The following NAA60 variants were observed in gnomAD, a reference collection of about 807,000 sequenced individuals.
The protein encoded by NAA60 is N-alpha-acetyltransferase 60.
NAA60 carries 8 observed loss-of-function variants against 26.1 expected under a neutral mutation model. The ratio of observed to expected loss-of-function variants is 0.31; its 90% CI spans 0.18 to 0.55. The LOEUF (loss-of-function observed/expected upper bound fraction) is 0.55, where lower values mean the gene tolerates loss of function less well. Among genes scored for constraint, NAA60 ranks in the 20% least tolerant of loss-of-function variants. NAA60 has a pLI of 0.93. For synonymous variants in NAA60, 131 were observed against 122.5 expected, an observed-to-expected ratio of 1.07 and a Z score of -0.46; for missense variants, 290 against 311.3, an observed-to-expected ratio of 0.93 and a Z score of 0.51.
At chr16:3,465,706 G>T (rs537802975) in intron 2 of NAA60, among the ~76,000 whole-genome samples, 4 of 152,250 alleles carry the variant, frequency 2.6e-5, no homozygotes, top group South Asian at 4.1e-4. Context: ...CAGCCCAGGG[G>T]ATGGCACTTT....
intron 2 of NAA60, among the ~76,000 whole-genome samples, chr16:3,470,864 T>G (rs1330353817): frequency 6.6e-6 from 1 of 152,234 alleles, no homozygotes; most frequent in African/African-American, 2.4e-5. Context: ...AGTCTCTGTT[T>G]CGTGCACCTT....
At chr16:3,458,455 G>A (rs554670375) in intron 2 of NAA60, among the ~76,000 whole-genome samples, 3 of 152,142 alleles carry the variant, frequency 2.0e-5, no homozygotes, top group Admixed American at 6.5e-5. Context: ...CTTCTGCCTG[G>A]GGGTTGCGTC....
At chr16:3,447,088 G>A (rs574228851) in intron 1 of NAA60, among the ~76,000 whole-genome samples, 8 of 152,044 alleles carry the variant, frequency 5.3e-5, no homozygotes, top group East Asian at 1.9e-4. Flanking sequence ...TGATCTGCCC[G>A]CCTTGGCCTC....
chr16:3,478,207 G>C (rs1394366375), intron 3 of NAA60, among the ~76,000 whole-genome samples: 1 of 152,194 alleles, frequency 6.6e-6, no homozygotes, highest in African/African-American at 2.4e-5. Flanking sequence ...CTGAACTCCA[G>C]TCTGGGTGAC....
In NAA60 at chr16:3,479,739, C is replaced by T. The variant is rs2151013044; in HGVS notation, c.240+139C>T. The T allele has an allele frequency of 7.5e-6, 7 of 930,396 alleles. No individual in the cohort carries two copies. In the East Asian group the frequency reaches 1.6e-4, roughly 21 times the overall value. 57.6% of individuals were successfully genotyped at this position (930,396 alleles called of 1,614,324 possible). On this transcript the variant is annotated intron_variant, in intron 4 of 7. Transcript: ENST00000407558. Reference sequence around the variant, plus strand: ...CCCAAGGAATCCAAGTGGCCAACGACACTTGTCCCTGGCTGGTGCTTTTCT... The same window carrying T: ...CCCAAGGAATCCAAGTGGCCAACGATACTTGTCCCTGGCTGGTGCTTTTCT...
At chr16:3,469,940 A>G (rs2036019712) in intron 2 of NAA60, among the ~76,000 whole-genome samples, 1 of 152,122 alleles carries the variant, frequency 6.6e-6, no homozygotes, top group Non-Finnish European at 1.5e-5. Flanking sequence ...TGTCTGTCTC[A>G]CCATCACTGT....
intron 2 of NAA60, among the ~76,000 whole-genome samples, chr16:3,467,500 G>T (rs2035843267): frequency 6.6e-6 from 1 of 152,178 alleles, no homozygotes; most frequent in Non-Finnish European, 1.5e-5. Flanking sequence ...GAAGGAGGAG[G>T]AGTCCCCCGT....
At chr16:3,443,641 C>T, upstream of NAA60, 1 of 1,116,366 alleles carries the variant, frequency 9.0e-7, no homozygotes. Context: ...TGGGCAGCTG[C>T]GAGAGGTAGT....
chr16:3,449,640 G>A lies in NAA60; in HGVS notation c.-7+1100G>A, dbSNP rs184539287. On this transcript the variant is annotated intron_variant, in intron 2 of 7. Coordinates refer to ENST00000407558, the MANE Select transcript of NAA60 (RefSeq NM_001083601.3). ...ATGGAGGTTGCAGTGAGCTGAGATC[G>A]CACCACTGCACTCCAGCCTGGGTGA... is the stretch of plus-strand genomic sequence containing the variant. Among the ~76,000 whole-genome samples, 7 of 152,192 alleles carry A rather than the reference G, an allele frequency of 4.6e-5. No individual in the cohort carries two copies. The East Asian group carries it at 5.8e-4, about 13-fold the overall frequency.
intron 2 of NAA60, among the ~76,000 whole-genome samples, chr16:3,473,749 T>TTGTTGTTG (rs1203211480): frequency 4.3e-4 from 58 of 135,984 alleles, no homozygotes; most frequent in African/African-American, 1.8e-3. Context: ...TGTTGTTGTT[T>TTGTTGTTG]TTTGAGATGG....
chr16:3,443,834 A>C lies in NAA60; in HGVS notation c.-80A>C, dbSNP rs1356126515. 6.5e-7 allele frequency: 1 copy of C among 1,534,248 alleles called. No homozygotes were observed. Among genetic ancestry groups the C allele is most frequent in the African/African-American group, 1.4e-5 (1 of 72,914 alleles). The stretch of plus-strand genomic sequence containing the variant: ...GGAACTCGAAAGAAAATCGGTAACA[A>C]AATGTGGGTTCGGCCAACAGTGCCC... On this transcript the variant is annotated 5_prime_UTR_variant, in exon 1 of 8. Transcript: ENST00000407558.
At chr16:3,483,929 G>A in intron 6 of NAA60, 1 of 353,286 alleles carries the variant, frequency 2.8e-6, no homozygotes. Context: ...GGGATCAGCA[G>A]TGCACAAAAC....
intron 1 of NAA60, among the ~76,000 whole-genome samples, chr16:3,446,908 G>T (rs1271341934): frequency 6.6e-6 from 1 of 151,902 alleles, no homozygotes; most frequent in Non-Finnish European, 1.5e-5. Context: ...ACCGCACCTG[G>T]CCTGCTCACT....
At chr16:3,458,187 G>A in intron 2 of NAA60, 1 of 984,822 alleles carries the variant, frequency 1.0e-6, no homozygotes, top group Non-Finnish European at 1.2e-6. Context: ...ACGAGGTGAG[G>A]TGGCGGGGGG....
At chr16:3,463,008 C>T (rs1265550129) in intron 2 of NAA60, among the ~76,000 whole-genome samples, 2 of 152,088 alleles carry the variant, frequency 1.3e-5, no homozygotes, top group African/African-American at 4.8e-5. Flanking sequence ...GGAATACAGG[C>T]TGCTTGGCCT....
intron 2 of NAA60, among the ~76,000 whole-genome samples, chr16:3,474,869 A>T (rs560967317): frequency 2.6e-5 from 4 of 152,334 alleles, no homozygotes; most frequent in African/African-American, 9.6e-5. Context: ...ACTTTCCTCA[A>T]CGCTGAGATG....
chr16:3,451,311 A>C (rs2034773910), intron 2 of NAA60, among the ~76,000 whole-genome samples: 1 of 152,206 alleles, frequency 6.6e-6, no homozygotes, highest in Non-Finnish European at 1.5e-5. Flanking sequence ...ATACCAGGAA[A>C]ATGGTAAGAT....
At chr16:3,447,451 T>C (rs2034601133) in intron 1 of NAA60, 7 of 985,322 alleles carry the variant, frequency 7.1e-6, no homozygotes, top group Non-Finnish European at 8.4e-6. Flanking sequence ...AATGAATTGC[T>C]CACTACGTTT....
chr16:3,460,591 C>G (rs562595716), intron 2 of NAA60, among the ~76,000 whole-genome samples: 1 of 152,170 alleles, frequency 6.6e-6, no homozygotes, highest in Non-Finnish European at 1.5e-5. Flanking sequence ...GTCTTGAACT[C>G]CTGACCTCAA....
Sources: allele counts gnomAD v4.1 joint callset (sites outside exome capture counted in the v4.1 genomes callset), GRCh38; gene constraint gnomAD v4.1.1; transcripts MANE v1.5; gene names NCBI Gene and HGNC (gene_info 2026-07-23, HGNC 2026-07-21).